Variants in ADGRL3 observed in about 807,000 individuals in gnomAD.
ADGRL3 encodes the protein calcium-independent alpha-latrotoxin receptor 3.
Under a neutral mutation model 153.5 loss-of-function variants are expected in ADGRL3, and 62 were observed. That is an observed-to-expected ratio of 0.40 (90% confidence interval 0.33 to 0.50). The LOEUF (loss-of-function observed/expected upper bound fraction) is 0.50, where lower values mean the gene tolerates loss of function less well. Ranked by LOEUF, ADGRL3 falls within the 20% of genes least tolerant of loss-of-function variation. The pLI is 0.47. For synonymous variants in ADGRL3, 710 were observed against 672.5 expected (o/e 1.06, Z -0.86); for missense variants, 1,641 against 1,859.4 (o/e 0.88, Z 2.16).
At chr4:61,495,954 A>G (rs1428324860) in intron 2 of ADGRL3, among the ~76,000 whole-genome samples, 6 of 152,238 alleles carry the variant, frequency 3.9e-5, no homozygotes, top group Admixed American at 1.3e-4. Flanking sequence ...GCTATTTAGA[A>G]TAACATAAAT....
chr4:61,609,075 G>A (rs2099043573), intron 5 of ADGRL3, among the ~76,000 whole-genome samples: 1 of 152,114 alleles, frequency 6.6e-6, no homozygotes, highest in Non-Finnish European at 1.5e-5. Context: ...ATGTAGATAA[G>A]CCTTATCAAC....
At chr4:61,369,072 T>C (rs1349339525) in intron 1 of ADGRL3, among the ~76,000 whole-genome samples, 2 of 152,334 alleles carry the variant, frequency 1.3e-5, no homozygotes, top group South Asian at 2.1e-4. Context: ...TTTGTGCACA[T>C]TGATTTTGTA....
chr4:61,203,461 C>G (rs1032942892), intron 1 of ADGRL3, among the ~76,000 whole-genome samples: 2 of 152,216 alleles, frequency 1.3e-5, no homozygotes, highest in African/African-American at 4.8e-5. Flanking sequence ...AGGCTTCTTG[C>G]ACCTCTGATT....
intron 17 of ADGRL3, among the ~76,000 whole-genome samples, chr4:61,952,430 G>C (rs1405626925): frequency 2.0e-5 from 3 of 149,884 alleles, no homozygotes; most frequent in Non-Finnish European, 4.4e-5. Context: ...AGTGAGCTGT[G>C]ATTGTGCCAC....
chr4:61,422,596 C>T (rs1560606103), intron 2 of ADGRL3, among the ~76,000 whole-genome samples: 1 of 151,940 alleles, frequency 6.6e-6, no homozygotes, highest in Non-Finnish European at 1.5e-5. Flanking sequence ...ACATATCTTC[C>T]TAAGTAGAAT....
chr4:61,991,233 A>T (rs1344288377), intron 19 of ADGRL3, among the ~76,000 whole-genome samples: 2 of 151,936 alleles, frequency 1.3e-5, no homozygotes, highest in Non-Finnish European at 2.9e-5. Context: ...CATTTACTAG[A>T]GTAGCGATTA....
chr4:61,838,999 A>G (rs897251586), intron 9 of ADGRL3, among the ~76,000 whole-genome samples: 3 of 152,062 alleles, frequency 2.0e-5, no homozygotes, highest in Non-Finnish European at 2.9e-5. Flanking sequence ...GTTGATAGAG[A>G]GTGTTTTGTT....
chr4:62,003,433 G>A (rs1401768333), intron 21 of ADGRL3, among the ~76,000 whole-genome samples: 1 of 152,048 alleles, frequency 6.6e-6, no homozygotes, highest in African/African-American at 2.4e-5. Context: ...AAACCCAGTT[G>A]GGTTTGAATT....
At chr4:61,766,491 A>T (rs535292497) in intron 8 of ADGRL3, among the ~76,000 whole-genome samples, 1 of 152,244 alleles carries the variant, frequency 6.6e-6, no homozygotes, top group African/African-American at 2.4e-5. Context: ...CTCGCTAACC[A>T]TGCCTAGGAA....
intron 2 of ADGRL3, 98 bp downstream of exon 2, chr4:61,383,287 T>G (rs2096693846): frequency 1.3e-5 from 2 of 151,746 alleles, no homozygotes; most frequent in African/African-American, 4.8e-5. Context: ...TTTATCATAT[T>G]GAAACATCAG....
intron 11 of ADGRL3, among the ~76,000 whole-genome samples, chr4:61,907,532 C>G (rs756547822): frequency 6.6e-6 from 1 of 151,824 alleles, no homozygotes; most frequent in Non-Finnish European, 1.5e-5. Context: ...GCTGGGATTA[C>G]AGGCATGAGC....
intron 6 of ADGRL3, among the ~76,000 whole-genome samples, chr4:61,727,492 AAAAC>A (rs1161771462): frequency 2.6e-5 from 4 of 152,174 alleles, no homozygotes; most frequent in African/African-American, 9.7e-5. Flanking sequence ...ACTAGACTAA[AAAAC>A]AAGAGATCCT....
chr4:61,610,706 CAT>C (rs2091217797), intron 5 of ADGRL3, among the ~76,000 whole-genome samples: 1 of 152,032 alleles, frequency 6.6e-6, no homozygotes. Context: ...ATTCTCCTAA[CAT>C]ATTATCTGCT....
intron 1 of ADGRL3, among the ~76,000 whole-genome samples, chr4:61,341,570 TAA>T (rs1180024082): frequency 6.6e-6 from 1 of 151,722 alleles, no homozygotes; most frequent in Non-Finnish European, 1.5e-5. Flanking sequence ...ATGTAATGCA[TAA>T]GATATTCATT....
At chr4:61,509,938 T>G (rs554894953) in intron 3 of ADGRL3, among the ~76,000 whole-genome samples, 3 of 152,288 alleles carry the variant, frequency 2.0e-5, no homozygotes, top group South Asian at 4.1e-4. Flanking sequence ...TGTTATTTTT[T>G]GTCTTTTTAA....
At chr4:61,495,112 G>A (rs963615548) in intron 2 of ADGRL3, among the ~76,000 whole-genome samples, 1 of 152,226 alleles carries the variant, frequency 6.6e-6, no homozygotes, top group Admixed American at 6.5e-5. Flanking sequence ...ACCATCGACA[G>A]GAGAACTGAG....
intron 2 of ADGRL3, among the ~76,000 whole-genome samples, chr4:61,428,902 T>TATATC (rs1553927267): frequency 5.6e-5 from 7 of 126,038 alleles, no homozygotes; most frequent in East Asian, 3.2e-4. Flanking sequence ...ATCATCTATC[T>TATATC]ATCTATCTAT....
chr4:61,674,491 G>T (rs1487162214), intron 5 of ADGRL3, among the ~76,000 whole-genome samples: 1 of 151,508 alleles, frequency 6.6e-6, no homozygotes, highest in Admixed American at 6.6e-5. Context: ...TAATAATAGG[G>T]AATAAAATGA....
chr4:61,859,532 T>C (rs1036384520), intron 9 of ADGRL3, among the ~76,000 whole-genome samples: 3 of 152,190 alleles, frequency 2.0e-5, no homozygotes, highest in Admixed American at 2.0e-4. Flanking sequence ...AGGTAGGTTT[T>C]AGTGAACCAA....
Sources: gnomAD v4.1 joint callset for allele counts (sites outside exome capture counted in the v4.1 genomes callset) on GRCh38, gnomAD v4.1.1 for gene constraint, MANE v1.5 for transcripts, NCBI Gene and HGNC (gene_info 2026-07-23, HGNC 2026-07-21) for gene names.